ANTXR2: variants seen among roughly 807,000 people sequenced by gnomAD.
The protein encoded by ANTXR2 is anthrax toxin receptor 2.
ANTXR2 carries 44 observed loss-of-function variants against 73.7 expected under a neutral mutation model. That is an observed-to-expected ratio of 0.60 (90% CI 0.47 to 0.77). The LOEUF (loss-of-function observed/expected upper bound fraction) is 0.77, where lower values mean the gene tolerates loss of function less well. ANTXR2 is among the 30% of genes least tolerant of loss of function. The pLI, the probability that ANTXR2 is intolerant of heterozygous loss-of-function variation, is 0.00. For missense variants in ANTXR2, 604 were observed against 592.5 expected, an observed-to-expected ratio of 1.02 and a Z score of -0.20; for synonymous variants, 217 against 205.9, an observed-to-expected ratio of 1.05 and a Z score of -0.46.
At chr4:80,006,624 GA>G (rs1422075209) in intron 12 of ANTXR2, among the ~76,000 whole-genome samples, 4 of 152,046 alleles carry the variant, frequency 2.6e-5, no homozygotes, top group African/African-American at 9.7e-5. Flanking sequence ...ATGCCTCGTA[GA>G]AAGTAACTCC....
rs1159832072 is a variant in ANTXR2 at position 79,901,573 on chromosome 4, C to CG, written c.*5855dup. The CG allele has an allele frequency of 1.6e-4, 16 of 101,108 alleles. No individual in the cohort carries two copies. Among genetic ancestry groups the CG allele is most frequent in the African/African-American group, 6.7e-4 (16 of 23,802 alleles). 6.3% of individuals were successfully genotyped at this position (101,108 alleles called of 1,614,324 possible). A position where few individuals can be genotyped will look rare whatever the true frequency, so the allele number is the denominator to read the frequency against. ...CGTGGAAGCCAATTTTTCCACAGAC[C>CG]GGGGGGTGGGGGGTGGGGATGGTTT... On this transcript the variant is annotated 3_prime_UTR_variant, in exon 17 of 17. Coordinates refer to ENST00000403729, the MANE Select transcript of ANTXR2 (RefSeq NM_058172.6).
At chr4:80,021,703 T>C (rs1732172694) in intron 10 of ANTXR2, among the ~76,000 whole-genome samples, 1 of 152,156 alleles carries the variant, frequency 6.6e-6, no homozygotes, top group African/African-American at 2.4e-5. Context: ...TGATATGATC[T>C]TGTAACCGAC....
At chr4:79,980,276 CACTT>C (rs1383226010) in intron 14 of ANTXR2, among the ~76,000 whole-genome samples, 1 of 152,130 alleles carries the variant, frequency 6.6e-6, no homozygotes, top group African/African-American at 2.4e-5. Flanking sequence ...AAACAATTCT[CACTT>C]ACTCAAAGTC....
chr4:80,025,651 T>G (rs983285123), intron 10 of ANTXR2, among the ~76,000 whole-genome samples: 1 of 152,180 alleles, frequency 6.6e-6, no homozygotes, highest in Non-Finnish European at 1.5e-5. Flanking sequence ...AAAAGATAGT[T>G]TTATGAATGA....
chr4:79,962,837 T>C (rs1729193934), intron 16 of ANTXR2, among the ~76,000 whole-genome samples: 1 of 152,096 alleles, frequency 6.6e-6, no homozygotes, highest in Non-Finnish European at 1.5e-5. Flanking sequence ...AAAACAATGA[T>C]TTTTGGGGTA....
intron 12 of ANTXR2, among the ~76,000 whole-genome samples, chr4:80,001,141 G>A (rs1403897889): frequency 6.7e-6 from 1 of 149,324 alleles, no homozygotes; most frequent in Non-Finnish European, 1.5e-5. Flanking sequence ...GATGCATATT[G>A]GTTTCAATAG....
intron 12 of ANTXR2, among the ~76,000 whole-genome samples, chr4:80,003,423 AG>A (rs1040852180): frequency 2.2e-5 from 2 of 91,524 alleles, no homozygotes; most frequent in African/African-American, 8.5e-5. Flanking sequence ...GGGTGGGGGG[AG>A]GGGGGAAGGA....
At chr4:79,920,432 C>T (rs866710417) in intron 16 of ANTXR2, among the ~76,000 whole-genome samples, 7 of 152,096 alleles carry the variant, frequency 4.6e-5, no homozygotes, top group Non-Finnish European at 7.4e-5. Flanking sequence ...ATGTAAAGTA[C>T]ATAGCACCAC....
intron 7 of ANTXR2, among the ~76,000 whole-genome samples, chr4:80,043,807 T>C (rs751353090): frequency 6.6e-6 from 1 of 151,928 alleles, no homozygotes; most frequent in Non-Finnish European, 1.5e-5. Context: ...TGAAAGTAGA[T>C]TCTACTGTTG....
intron 7 of ANTXR2, among the ~76,000 whole-genome samples, chr4:80,043,732 G>A (rs544097446): frequency 1.2e-4 from 19 of 152,048 alleles, no homozygotes; most frequent in African/African-American, 3.6e-4. Context: ...AGATCCAGCC[G>A]TAAGAGTCAG....
intron 7 of ANTXR2, among the ~76,000 whole-genome samples, chr4:80,050,895 T>C (rs906299151): frequency 6.6e-6 from 1 of 151,724 alleles, no homozygotes; most frequent in Non-Finnish European, 1.5e-5. Flanking sequence ...ATTTCCTACT[T>C]ATTTATGAAA....
intron 2 of ANTXR2, among the ~76,000 whole-genome samples, chr4:80,071,275 T>A (rs1281292201): frequency 1.3e-5 from 2 of 150,030 alleles, no homozygotes; most frequent in Non-Finnish European, 3.0e-5. Context: ...TTTATTTTTT[T>A]AATGTGATAA....
chr4:80,040,142 G>T (rs947051408), intron 7 of ANTXR2, among the ~76,000 whole-genome samples: 4 of 151,624 alleles, frequency 2.6e-5, no homozygotes, highest in African/African-American at 9.7e-5. Flanking sequence ...GAGAGATGAG[G>T]GTTGAAAAAC....
At chr4:79,998,481 G>A (rs537674272) in intron 12 of ANTXR2, among the ~76,000 whole-genome samples, 1 of 151,870 alleles carries the variant, frequency 6.6e-6, no homozygotes, top group Non-Finnish European at 1.5e-5. Context: ...TGGACTGTCT[G>A]GTTACCCCAA....
At chr4:80,005,538 C>T (rs190002385) in intron 12 of ANTXR2, among the ~76,000 whole-genome samples, 9 of 152,028 alleles carry the variant, frequency 5.9e-5, no homozygotes, top group East Asian at 5.8e-4. Context: ...AAACACCCTG[C>T]GATTGTATTA....
At chr4:80,057,085 A>G (rs1016577902) in intron 3 of ANTXR2, among the ~76,000 whole-genome samples, 6 of 151,926 alleles carry the variant, frequency 3.9e-5, no homozygotes, top group African/African-American at 1.4e-4. Flanking sequence ...CTTGATCTTA[A>G]CCAAAAGGCT....
chr4:80,063,628 A>G (rs1734367414), intron 3 of ANTXR2, among the ~76,000 whole-genome samples: 1 of 152,004 alleles, frequency 6.6e-6, no homozygotes, highest in Non-Finnish European at 1.5e-5. Context: ...CCATATAAAC[A>G]GTTAGGGATT....
At chr4:80,002,605 C>G in intron 12 of ANTXR2, among the ~76,000 whole-genome samples, 1 of 151,938 alleles carries the variant, frequency 6.6e-6, no homozygotes, top group African/African-American at 2.4e-5. Flanking sequence ...AAAGAAACTA[C>G]CATCAGAGTC....
intron 11 of ANTXR2, among the ~76,000 whole-genome samples, chr4:80,013,993 G>C (rs116209733): frequency 6.6e-6 from 1 of 152,084 alleles, no homozygotes; most frequent in Non-Finnish European, 1.5e-5. Flanking sequence ...GGAGATCACC[G>C]GTGACCCCTC....
Sources: gnomAD v4.1 joint callset for allele counts (sites outside exome capture counted in the v4.1 genomes callset) on GRCh38, gnomAD v4.1.1 for gene constraint, MANE v1.5 for transcripts, NCBI Gene and HGNC (gene_info 2026-07-23, HGNC 2026-07-21) for gene names.